Variants in SENP6 observed in about 807,000 individuals in gnomAD.
The protein encoded by SENP6 is sentrin-specific protease 6.
SENP6 carries 41 observed loss-of-function variants against 134.5 expected under a neutral mutation model. The ratio of observed to expected loss-of-function variants is 0.30; its 90% confidence interval spans 0.24 to 0.40. The LOEUF (loss-of-function observed/expected upper bound fraction) is 0.40. Ranked by LOEUF, SENP6 falls within the 10% of genes least tolerant of loss-of-function variation. SENP6 has a pLI of 1.00. For synonymous variants in SENP6, 395 were observed against 429.8 expected (o/e 0.92, Z 1.00); for missense variants, 1,248 against 1,312.5 (o/e 0.95, Z 0.76).
intron 19 of SENP6, among the ~76,000 whole-genome samples, chr6:75,708,572 AGAGT>A (rs1775558855): frequency 6.6e-6 from 1 of 152,120 alleles, no homozygotes; most frequent in Admixed American, 6.6e-5. Flanking sequence ...CCTGGGCAAA[AGAGT>A]GAGAGAAATC....
intron 18 of SENP6, among the ~76,000 whole-genome samples, chr6:75,699,354 CTTTTTTT>C (rs71544060): frequency 1.9e-4 from 22 of 115,024 alleles, no homozygotes; most frequent in South Asian, 3.0e-4. Flanking sequence ...TTTGTTTTTG[CTTTTTTT>C]TTTTTTTTTT....
At chr6:75,640,491 T>C (rs1386461798) in intron 5 of SENP6, among the ~76,000 whole-genome samples, 193 bp from the exon 6 acceptor site, 1 of 152,004 alleles carries the variant, frequency 6.6e-6, no homozygotes, top group African/African-American at 2.4e-5. Flanking sequence ...GTTTGTTTAT[T>C]TTGTATATTG....
chr6:75,675,294 T>G (rs1404252105), intron 11 of SENP6, 141 bp from the exon 12 acceptor site: 1 of 522,968 alleles, frequency 1.9e-6, no homozygotes, highest in Non-Finnish European at 3.4e-6. Flanking sequence ...TAGGTGTTCA[T>G]TATAATGTTA....
At chr6:75,623,601 T>C (rs894743635) in intron 2 of SENP6, among the ~76,000 whole-genome samples, 5 of 152,198 alleles carry the variant, frequency 3.3e-5, no homozygotes, top group South Asian at 2.1e-4. Flanking sequence ...AACAGAATTA[T>C]GTGTTCATTT....
At chr6:75,648,846 C>G (rs1770649520) in intron 7 of SENP6, among the ~76,000 whole-genome samples, 1 of 152,108 alleles carries the variant, frequency 6.6e-6, no homozygotes, top group African/African-American at 2.4e-5. Flanking sequence ...AAAAAACTTC[C>G]TCAAGGACAT....
At position 75,714,459 on chromosome 6, in the gene SENP6, C is replaced by T. The variant is rs574221692; in HGVS notation, c.3129+634C>T. Among the ~76,000 whole-genome samples, 15 of 152,266 alleles carry T rather than the reference C, an allele frequency of 9.9e-5. No homozygotes were observed. The South Asian group carries it at 2.3e-3, about 23-fold the overall frequency. On this transcript the variant is annotated intron_variant, in intron 23 of 23. Transcript: ENST00000447266. ...TCAGATAGATTTACTTGTTTATCGT[C>T]GAGTGTCGCTATTCTGAACTGCTAT...
At position 75,695,804 on chromosome 6, in the gene SENP6, A is replaced by G. The variant is rs1239778945; in HGVS notation, c.2076A>G (p.Lys692=). 1 of 1,572,406 alleles carries G rather than the reference A, an allele frequency of 6.4e-7. No homozygotes were observed. The highest frequency in any genetic ancestry group is 2.2e-5 in the East Asian group (1 of 44,498). The stretch of plus-strand genomic sequence containing the variant: ...ATTTGAATTATTTTCTATCAAATAG[A>G]TACTTGGTGCTTGAAAAACTGAAGA... The part of the protein sequence containing the change: ...LNDVIIDFYL[K]YLVLEKLKKE... Residue 692 remains lysine, a splice_region_variant and synonymous_variant, in exon 17 of 24, where the codon AAA becomes AAG. Transcript: ENST00000447266.
chr6:75,645,471 G>A (rs775900965), intron 6 of SENP6, among the ~76,000 whole-genome samples: 18 of 152,096 alleles, frequency 1.2e-4, no homozygotes, highest in Non-Finnish European at 2.1e-4. Flanking sequence ...ACAAAAATTA[G>A]CACAGCATGG....
intron 10 of SENP6, among the ~76,000 whole-genome samples, 173 bp downstream of exon 10, chr6:75,667,114 G>C (rs980746669): frequency 2.0e-5 from 3 of 152,108 alleles, no homozygotes; most frequent in Non-Finnish European, 4.4e-5. Flanking sequence ...ACAAAAATAA[G>C]TTTCAATTAA....
At chr6:75,709,718 C>A in intron 20 of SENP6, 88 bp downstream of exon 20, 1 of 855,628 alleles carries the variant, frequency 1.2e-6, no homozygotes, top group South Asian at 1.7e-5. Context: ...ACCTGTAGTC[C>A]CAGTGACTTG....
chr6:75,712,539 G>A (rs1775808195), intron 21 of SENP6, among the ~76,000 whole-genome samples: 1 of 151,734 alleles, frequency 6.6e-6, no homozygotes, highest in Non-Finnish European at 1.5e-5. Flanking sequence ...AAAAATAATA[G>A]CCAACTGTGG....
chr6:75,692,467 C>CAA (rs35719479), intron 16 of SENP6, among the ~76,000 whole-genome samples: 151 of 149,164 alleles, frequency 1.0e-3, no homozygotes, highest in Non-Finnish European at 1.4e-3. Context: ...CAAAAACATA[C>CAA]AAAAAAAAAA....
intron 6 of SENP6, chr6:75,646,962 C>T (rs1400343724): frequency 6.6e-6 from 1 of 151,896 alleles, no homozygotes; most frequent in Admixed American, 6.6e-5. Context: ...GAAATTCTTG[C>T]AAGAAAATTT....
chr6:75,626,639 T>A (rs138869753), intron 3 of SENP6, among the ~76,000 whole-genome samples: 6 of 152,266 alleles, frequency 3.9e-5, no homozygotes, highest in African/African-American at 1.4e-4. Context: ...TGTAGTATAT[T>A]TGTGGGATAG....
chr6:75,683,410 A>G (rs1453779607), intron 16 of SENP6, among the ~76,000 whole-genome samples: 1 of 151,960 alleles, frequency 6.6e-6, no homozygotes, highest in East Asian at 1.9e-4. Flanking sequence ...ATTAGATCCC[A>G]TTTGTCAATT....
chr6:75,688,996 G>A (rs1774042815), intron 16 of SENP6, among the ~76,000 whole-genome samples: 2 of 152,214 alleles, frequency 1.3e-5, no homozygotes, highest in South Asian at 4.1e-4. Flanking sequence ...AACCCAGGAG[G>A]TGGAGGTTGC....
intron 1 of SENP6, among the ~76,000 whole-genome samples, chr6:75,607,926 C>G (rs969913213): frequency 6.6e-6 from 1 of 152,174 alleles, no homozygotes; most frequent in Non-Finnish European, 1.5e-5. Flanking sequence ...TTCTCCCAAA[C>G]GATTGGCATT....
At chr6:75,705,332 G>T (rs1375410725) in intron 19 of SENP6, among the ~76,000 whole-genome samples, 2 of 152,134 alleles carry the variant, frequency 1.3e-5, no homozygotes, top group Non-Finnish European at 2.9e-5. Context: ...GGATCAGTAG[G>T]TCAGGAGTTT....
chr6:75,604,916 T>C (rs1391834717), intron 1 of SENP6, among the ~76,000 whole-genome samples: 1 of 150,654 alleles, frequency 6.6e-6, no homozygotes, highest in East Asian at 2.0e-4. Flanking sequence ...CTACTAAAAA[T>C]ACAGAAATTA....
Sources: allele counts gnomAD v4.1 joint callset (sites outside exome capture counted in the v4.1 genomes callset), GRCh38; gene constraint gnomAD v4.1.1; transcripts MANE v1.5; gene names NCBI Gene and HGNC (gene_info 2026-07-23, HGNC 2026-07-21).